RABGAP1: variants seen among roughly 807,000 people sequenced by gnomAD.
The protein encoded by RABGAP1 is RAB GTPase activating protein 1.
A neutral mutation model predicts 137.6 loss-of-function variants in RABGAP1; 23 were observed. The observed-to-expected ratio is 0.17, with a 90% CI of 0.12 to 0.24. RABGAP1 has a LOEUF of 0.24. RABGAP1 is among the 10% of genes least tolerant of loss of function. RABGAP1 has a pLI of 1.00. For missense variants in RABGAP1, 906 were observed against 1,275.8 expected, an observed-to-expected ratio of 0.71 and a Z score of 4.42; for synonymous variants, 451 against 450.7, an observed-to-expected ratio of 1.00 and a Z score of -0.01.
intron 13 of RABGAP1, among the ~76,000 whole-genome samples, chr9:123,050,287 T>A (rs1304787626): frequency 6.6e-6 from 1 of 152,262 alleles, no homozygotes; most frequent in African/African-American, 2.4e-5. Flanking sequence ...GTTTACTATT[T>A]CTTTTTGGTC....
rs569879549 is a variant in RABGAP1, at chr9:122,973,163, C to G, written c.151-11322C>G. ...TTCCTCTCAGTTGGGAATCTTAGCT[C>G]TTACCCAAAGATACTCTATAAATAC... On this transcript the variant is annotated intron_variant, in intron 2 of 25. Transcript: ENST00000373647. 5.3e-5 allele frequency among the ~76,000 whole-genome samples: 8 copies of G among 152,262 alleles called. No homozygotes were observed. The South Asian group carries it at 1.7e-3, about 32-fold the overall frequency.
At chr9:122,998,013 A>C (rs1837124446) in intron 9 of RABGAP1, among the ~76,000 whole-genome samples, 1 of 152,180 alleles carries the variant, frequency 6.6e-6, no homozygotes, top group Non-Finnish European at 1.5e-5. Context: ...AGTGTTGATG[A>C]GGGTGACATA....
intron 13 of RABGAP1, among the ~76,000 whole-genome samples, chr9:123,040,420 G>A (rs1193813056): frequency 6.6e-6 from 1 of 152,186 alleles, no homozygotes; most frequent in East Asian, 1.9e-4. Flanking sequence ...ACATGGTTCT[G>A]TAATGTGAAC....
intron 14 of RABGAP1, chr9:123,065,664 T>C: frequency 2.0e-6 from 1 of 504,790 alleles, no homozygotes; most frequent in East Asian, 3.8e-5. Flanking sequence ...ATGGTAGGGT[T>C]TCCTTTCCCC....
intron 2 of RABGAP1, among the ~76,000 whole-genome samples, chr9:122,963,044 A>C (rs1219828921): frequency 1.3e-5 from 2 of 152,230 alleles, no homozygotes; most frequent in African/African-American, 4.8e-5. Context: ...TAACAATTAC[A>C]TATCTAATAA....
At chr9:123,007,327 G>T (rs1276392114) in intron 10 of RABGAP1, among the ~76,000 whole-genome samples, 2 of 150,344 alleles carry the variant, frequency 1.3e-5, no homozygotes, top group African/African-American at 2.4e-5. Flanking sequence ...TACTTGCCTA[G>T]GCCTCCCAAA....
chr9:123,076,853 A>G (rs2034526179), intron 19 of RABGAP1, 91 bp downstream of exon 19: 2 of 874,216 alleles, frequency 2.3e-6, no homozygotes, highest in Non-Finnish European at 1.5e-6. Flanking sequence ...TTTATGTATT[A>G]TATTTATAAC....
intron 2 of RABGAP1, among the ~76,000 whole-genome samples, chr9:122,969,149 T>A (rs1835335897): frequency 6.6e-6 from 1 of 152,238 alleles, no homozygotes; most frequent in African/African-American, 2.4e-5. Context: ...TTTAGATATG[T>A]TTAATACATG....
intron 13 of RABGAP1, among the ~76,000 whole-genome samples, chr9:123,047,571 TA>T (rs1265246814): frequency 6.6e-6 from 1 of 152,166 alleles, no homozygotes; most frequent in African/African-American, 2.4e-5. Context: ...TTTATACTTC[TA>T]AAATAAGATA....
At chr9:123,065,295 A>G in intron 13 of RABGAP1, 53 bp from the exon 14 acceptor site, 1 of 1,303,000 alleles carries the variant, frequency 7.7e-7, no homozygotes, top group Non-Finnish European at 1.1e-6. Flanking sequence ...AACCTGAATA[A>G]GAGTTTACAT....
At chr9:122,964,423 A>G (rs546454966) in intron 2 of RABGAP1, among the ~76,000 whole-genome samples, 40 of 152,354 alleles carry the variant, frequency 2.6e-4, no homozygotes, top group African/African-American at 7.0e-4. Context: ...TCTGAAAATT[A>G]TTAATGTAAT....
At chr9:123,032,857 A>C (rs2032378312) in intron 13 of RABGAP1, among the ~76,000 whole-genome samples, 1 of 152,210 alleles carries the variant, frequency 6.6e-6, no homozygotes, top group South Asian at 2.1e-4. Flanking sequence ...TGTATATTCT[A>C]AGATACAAAG....
At chr9:123,082,465 A>G (rs1039184987) in intron 19 of RABGAP1, among the ~76,000 whole-genome samples, 10 of 152,222 alleles carry the variant, frequency 6.6e-5, no homozygotes, top group African/African-American at 9.6e-5. Context: ...TTAGAGGGGA[A>G]TATTGAAAGG....
At chr9:123,038,050 A>T (rs2032758455) in intron 13 of RABGAP1, among the ~76,000 whole-genome samples, 1 of 152,194 alleles carries the variant, frequency 6.6e-6, no homozygotes, top group Non-Finnish European at 1.5e-5. Context: ...AAGTAGGATT[A>T]TACTGATGTT....
intron 2 of RABGAP1, among the ~76,000 whole-genome samples, chr9:122,965,842 A>G (rs1371881989): frequency 6.6e-6 from 1 of 152,212 alleles, no homozygotes; most frequent in African/African-American, 2.4e-5. Context: ...AGCTCCCTGG[A>G]CAATTAGCGG....
At chr9:122,993,960 G>A (rs771211215) in intron 6 of RABGAP1, among the ~76,000 whole-genome samples, 17 of 152,074 alleles carry the variant, frequency 1.1e-4, no homozygotes, top group Admixed American at 6.6e-4. Context: ...CACCGTGCCC[G>A]ACCTAAATTG....
intron 13 of RABGAP1, among the ~76,000 whole-genome samples, chr9:123,044,003 C>G (rs1350293636): frequency 6.6e-6 from 1 of 150,788 alleles, no homozygotes; most frequent in South Asian, 2.1e-4. Context: ...CGGGTTCAGG[C>G]CATTCTCCTG....
intron 13 of RABGAP1, among the ~76,000 whole-genome samples, chr9:123,033,086 T>C (rs2032394763): frequency 6.6e-6 from 1 of 152,164 alleles, no homozygotes; most frequent in Non-Finnish European, 1.5e-5. Context: ...ATTTTTCTCT[T>C]GAAAAAGTGA....
intron 13 of RABGAP1, among the ~76,000 whole-genome samples, chr9:123,045,505 T>A (rs768745400): frequency 4.9e-4 from 75 of 152,228 alleles, no homozygotes; most frequent in Non-Finnish European, 8.2e-4. Flanking sequence ...ATACTGAGGA[T>A]GTGTATTGTA....
Sources: allele counts gnomAD v4.1 joint callset (sites outside exome capture counted in the v4.1 genomes callset), GRCh38; gene constraint gnomAD v4.1.1; transcripts MANE v1.5; gene names NCBI Gene and HGNC (gene_info 2026-07-23, HGNC 2026-07-21).